The following CSMD1 variants were observed in gnomAD, a reference collection of about 807,000 sequenced individuals.
The protein encoded by CSMD1 is CUB and sushi domain-containing protein 1.
A neutral mutation model predicts 417.5 loss-of-function variants in CSMD1; 213 were observed. That is an observed-to-expected ratio of 0.51 (90% confidence interval 0.46 to 0.57). The LOEUF (loss-of-function observed/expected upper bound fraction) is 0.57, where lower values mean the gene tolerates loss of function less well. Ranked by LOEUF, CSMD1 falls within the 20% of genes least tolerant of loss-of-function variation. The pLI is 0.00. For synonymous variants in CSMD1, 2,862 were observed against 1,736.8 expected (o/e 1.65, Z -16.11); for missense variants, 6,923 against 4,529.7 (o/e 1.53, Z -15.17).
intron 10 of CSMD1, among the ~76,000 whole-genome samples, chr8:3,535,190 A>G (rs6997426): frequency 0.39 from 58,958 of 151,756 alleles, 12,755 homozygotes; most frequent in East Asian, 0.66. Context: ...CTGGCCTGAA[A>G]TGATCCTTCT....
chr8:4,288,113 A>G (rs893221937), intron 3 of CSMD1, among the ~76,000 whole-genome samples: 1 of 152,180 alleles, frequency 6.6e-6, no homozygotes, highest in Non-Finnish European at 1.5e-5. Flanking sequence ...TTTGCTAGCC[A>G]TGCTTTCTGT....
chr8:4,832,399 A>G (rs1291201448), intron 1 of CSMD1, among the ~76,000 whole-genome samples: 1 of 152,210 alleles, frequency 6.6e-6, no homozygotes, highest in Non-Finnish European at 1.5e-5. Flanking sequence ...TACAGTGGAC[A>G]TTGACATCTA....
chr8:3,556,526 A>G (rs868435612), intron 10 of CSMD1, among the ~76,000 whole-genome samples: 8,655 of 145,058 alleles, frequency 0.06, 312 homozygotes, highest in Non-Finnish European at 0.091. Context: ...GCACACACAC[A>G]CACACACACA....
chr8:4,054,888 T>A (rs1798611652), intron 3 of CSMD1, among the ~76,000 whole-genome samples: 1 of 152,146 alleles, frequency 6.6e-6, no homozygotes, highest in East Asian at 1.9e-4. Flanking sequence ...ATACAAAGGC[T>A]ACGTCTGCCT....
intron 4 of CSMD1, among the ~76,000 whole-genome samples, chr8:4,013,786 T>C (rs1796392002): frequency 6.6e-6 from 1 of 152,192 alleles, no homozygotes; most frequent in South Asian, 2.1e-4. Context: ...CATTAGGCTT[T>C]ACTGAAACAC....
At chr8:2,971,024 G>C (rs1406864394) in intron 57 of CSMD1, among the ~76,000 whole-genome samples, 2 of 152,054 alleles carry the variant, frequency 1.3e-5, no homozygotes, top group Admixed American at 1.3e-4. Flanking sequence ...TAAGGTATGT[G>C]AGTGTAAGTT....
At chr8:4,440,480 G>C (rs765295820) in intron 2 of CSMD1, among the ~76,000 whole-genome samples, 117 of 152,134 alleles carry the variant, frequency 7.7e-4, no homozygotes, top group Middle Eastern at 3.4e-3. Flanking sequence ...AAAAATCTCA[G>C]CAACTGTTCT....
intron 3 of CSMD1, among the ~76,000 whole-genome samples, chr8:4,218,481 G>C (rs1050635443): frequency 1.3e-5 from 2 of 152,050 alleles, no homozygotes; most frequent in African/African-American, 2.4e-5. Flanking sequence ...ACCTCCACTT[G>C]CTGTATGATC....
intron 1 of CSMD1, among the ~76,000 whole-genome samples, chr8:4,786,871 A>G (rs527744411): frequency 6.6e-6 from 1 of 152,302 alleles, no homozygotes; most frequent in East Asian, 1.9e-4. Context: ...AATAGTAATT[A>G]TTTAAGTGAA....
At chr8:3,875,663 A>T (rs984238894) in intron 5 of CSMD1, among the ~76,000 whole-genome samples, 3 of 152,166 alleles carry the variant, frequency 2.0e-5, no homozygotes, top group Non-Finnish European at 2.9e-5. Context: ...TGGGTGGTGA[A>T]TTCCAGGAGA....
At chr8:4,011,261 TTC>T (rs1816513611) in intron 4 of CSMD1, among the ~76,000 whole-genome samples, 2 of 152,346 alleles carry the variant, frequency 1.3e-5, no homozygotes, top group South Asian at 4.1e-4. Context: ...ACCAGTTTTC[TTC>T]TCTTTCAAAA....
chr8:3,524,919 A>T (rs1797692185), intron 10 of CSMD1, among the ~76,000 whole-genome samples: 2 of 152,142 alleles, frequency 1.3e-5, no homozygotes, highest in African/African-American at 4.8e-5. Flanking sequence ...TAAACTTGGT[A>T]TCATGAAATG....
At chr8:3,262,945 G>C (rs1472427211) in intron 26 of CSMD1, among the ~76,000 whole-genome samples, 1 of 152,188 alleles carries the variant, frequency 6.6e-6, no homozygotes, top group Non-Finnish European at 1.5e-5. Context: ...GAAAAAGTTT[G>C]TTGTTAATTA....
chr8:3,175,403 C>A (rs886519574), intron 37 of CSMD1, among the ~76,000 whole-genome samples: 3 of 151,920 alleles, frequency 2.0e-5, no homozygotes, highest in African/African-American at 4.8e-5. Flanking sequence ...GGATTTTCTA[C>A]TTCCACTTCC....
rs2113669 is a variant in CSMD1, at chr8:4,069,336, T to A, written c.416-37237A>T. ...AACTGAAAGTCAACAAAATTCCAAC[T>A]CTTATCTACAGGTAGTTGAACCACT... On this transcript the variant is annotated intron_variant, in intron 3 of 69. Coordinates refer to ENST00000635120, the MANE Select transcript of CSMD1 (RefSeq NM_033225.6). Among the ~76,000 whole-genome samples the A allele has an allele frequency of 1.1e-3, 164 of 152,238 alleles. 2 individuals are homozygous for A. The highest frequency in any genetic ancestry group is 3.8e-3 in the African/African-American group (157 of 41,504).
rs536644183 is a variant in CSMD1 at position 4,282,027 on chromosome 8, G to A, written c.415+137926C>T. Among the ~76,000 whole-genome samples, 3 of 152,322 alleles carry A rather than the reference G, an allele frequency of 2.0e-5. No individual in the cohort carries two copies. In the East Asian group the frequency reaches 5.8e-4, roughly 29 times the overall value. On this transcript the variant is annotated intron_variant, in intron 3 of 69. Coordinates refer to ENST00000635120, the MANE Select transcript of CSMD1 (RefSeq NM_033225.6). ...TTCATGTTCTCTTGAGATGTGATTA[G>A]CCTTTGTTATAAACACTTTCCCTGG... is the stretch of plus-strand genomic sequence containing the variant.
At chr8:4,844,743 C>T (rs184573617) in intron 1 of CSMD1, among the ~76,000 whole-genome samples, 1 of 152,142 alleles carries the variant, frequency 6.6e-6, no homozygotes, top group Non-Finnish European at 1.5e-5. Flanking sequence ...TATTTCAAAA[C>T]CATCTCAGTG....
intron 5 of CSMD1, among the ~76,000 whole-genome samples, chr8:3,889,791 T>A (rs939906660): frequency 6.6e-6 from 1 of 152,008 alleles, no homozygotes; most frequent in Non-Finnish European, 1.5e-5. Flanking sequence ...TATATAGGTA[T>A]CCCATACTCT....
chr8:3,429,310 T>C (rs972974204), intron 12 of CSMD1, among the ~76,000 whole-genome samples: 2 of 152,142 alleles, frequency 1.3e-5, no homozygotes, highest in Admixed American at 6.5e-5. Context: ...GATAATAAAA[T>C]GCTGAAGGAA....
Sources: allele counts gnomAD v4.1 joint callset (sites outside exome capture counted in the v4.1 genomes callset), GRCh38; gene constraint gnomAD v4.1.1; transcripts MANE v1.5; gene names NCBI Gene and HGNC (gene_info 2026-07-23, HGNC 2026-07-21).